PTPRE: variants seen among roughly 807,000 people sequenced by gnomAD.
PTPRE encodes protein tyrosine phosphatase receptor type E.
A neutral mutation model predicts 102.0 loss-of-function variants in PTPRE; 51 were observed. The observed-to-expected ratio is 0.50, with a 90% CI of 0.40 to 0.63. The LOEUF is 0.63. Among genes scored for constraint, PTPRE ranks in the 30% least tolerant of loss-of-function variants. PTPRE has a pLI of 0.00. For missense variants in PTPRE, 752 were observed against 915.1 expected, an observed-to-expected ratio of 0.82 and a Z score of 2.30; for synonymous variants, 345 against 348.2, an observed-to-expected ratio of 0.99 and a Z score of 0.10.
intron 2 of PTPRE, chr10:127,987,226 G>A (rs1852168618): frequency 2.5e-6 from 2 of 805,894 alleles, no homozygotes; most frequent in South Asian, 5.9e-5. Context: ...TTTCCCCTAA[G>A]AGGAAATAGG....
At chr10:128,046,004 C>T (rs921759069) in intron 3 of PTPRE, among the ~76,000 whole-genome samples, 4 of 152,300 alleles carry the variant, frequency 2.6e-5, no homozygotes, top group South Asian at 2.1e-4. Flanking sequence ...CCCTCTCTCA[C>T]GGCTGGGGCC....
chr10:128,037,664 A>G (rs7083801), intron 2 of PTPRE, among the ~76,000 whole-genome samples: 17,836 of 152,244 alleles, frequency 0.12, 1,225 homozygotes, highest in African/African-American at 0.16. Flanking sequence ...GAGGGGAGTA[A>G]ATATACAACC....
Position 127,907,287 on chromosome 10 carries a change from G to C in PTPRE, c.-53G>C. The C allele has an allele frequency of 2.0e-6, 2 of 984,744 alleles. No homozygotes were observed. Among genetic ancestry groups the C allele is most frequent in the Non-Finnish European group, 1.2e-6 (1 of 829,738 alleles). The allele number at this position is 984,744 out of a possible 1,614,324, so 61.0% of individuals were successfully genotyped here. On this transcript the variant is annotated 5_prime_UTR_variant, in exon 1 of 21. Transcript: ENST00000254667. The surrounding 1 kb of genome is among the most constrained non-coding windows in gnomAD (Gnocchi z 4.8). ...GAGCCTCCGCTGCAGCGCGATCTGC[G>C]CGACCAGACCGGCCCCCCCGAGGTG...
chr10:128,050,112 A>G (rs554991408), intron 6 of PTPRE, among the ~76,000 whole-genome samples: 15 of 142,696 alleles, frequency 1.1e-4, no homozygotes, highest in African/African-American at 3.6e-4. Context: ...CCATCTCGGC[A>G]TTAATGAAGC....
chr10:127,984,346 G>A (rs572441465), intron 2 of PTPRE, among the ~76,000 whole-genome samples: 25 of 152,164 alleles, frequency 1.6e-4, no homozygotes, highest in African/African-American at 5.3e-4. Context: ...CTCCCACAGC[G>A]CTGGGATTAC....
At chr10:128,025,151 C>T (rs1338633381) in intron 2 of PTPRE, among the ~76,000 whole-genome samples, 3 of 106,834 alleles carry the variant, frequency 2.8e-5, no homozygotes, top group African/African-American at 8.4e-5. Flanking sequence ...AGAATGAGAT[C>T]CTGTCTCAAA....
intron 6 of PTPRE, among the ~76,000 whole-genome samples, chr10:128,053,205 C>T (rs573685354): frequency 4.3e-4 from 65 of 152,236 alleles, no homozygotes; most frequent in African/African-American, 1.5e-3. Flanking sequence ...GAGTCGAGAT[C>T]GCGCCACTGC....
intron 2 of PTPRE, among the ~76,000 whole-genome samples, chr10:128,029,179 G>A (rs556750953): frequency 2.6e-5 from 4 of 152,276 alleles, no homozygotes; most frequent in African/African-American, 9.6e-5. Flanking sequence ...AAGGCTCGTG[G>A]GGGCTCAGGG....
At chr10:127,941,616 G>C (rs1196536792) in intron 1 of PTPRE, among the ~76,000 whole-genome samples, 1 of 152,238 alleles carries the variant, frequency 6.6e-6, no homozygotes, top group Non-Finnish European at 1.5e-5. Flanking sequence ...CACCAGGTAG[G>C]CTAAATAGGA....
intron 17 of PTPRE, among the ~76,000 whole-genome samples, chr10:128,075,240 T>G (rs543702072): frequency 6.6e-6 from 1 of 152,356 alleles, no homozygotes; most frequent in Admixed American, 6.5e-5. Flanking sequence ...GCACTTGAGT[T>G]GGTTTCATTT....
intron 1 of PTPRE, among the ~76,000 whole-genome samples, chr10:127,960,099 G>A (rs1214944843): frequency 2.6e-5 from 4 of 152,316 alleles, no homozygotes; most frequent in Middle Eastern, 3.4e-3. Context: ...GCAGACGCAG[G>A]TCAGAAAGGA....
chr10:127,980,253 T>C (rs999348040), intron 1 of PTPRE, among the ~76,000 whole-genome samples: 3 of 152,212 alleles, frequency 2.0e-5, no homozygotes, highest in Non-Finnish European at 4.4e-5. Flanking sequence ...CCGGTTGTTT[T>C]ATATAGCTGC....
intron 7 of PTPRE, among the ~76,000 whole-genome samples, chr10:128,060,030 A>C: frequency 6.9e-6 from 1 of 144,154 alleles, no homozygotes; most frequent in Non-Finnish European, 1.5e-5. Context: ...ACTCCACACA[A>C]ACATATCACA....
intron 1 of PTPRE, among the ~76,000 whole-genome samples, chr10:127,948,123 C>T (rs1848755481): frequency 1.3e-5 from 2 of 152,178 alleles, no homozygotes; most frequent in South Asian, 2.1e-4. Flanking sequence ...TGGGCCACTC[C>T]GTTGGCCCCC....
chr10:127,932,221 G>T (rs549260368), intron 1 of PTPRE, among the ~76,000 whole-genome samples: 4 of 152,140 alleles, frequency 2.6e-5, no homozygotes, highest in African/African-American at 7.2e-5. Context: ...CAAATTACAC[G>T]CAAAGTCTAT....
intron 1 of PTPRE, among the ~76,000 whole-genome samples, chr10:127,937,331 A>G (rs899746903): frequency 1.3e-5 from 2 of 152,190 alleles, no homozygotes; most frequent in East Asian, 1.9e-4. Context: ...TCATACTGGA[A>G]TTGTTGAAAA....
Position 128,084,013 on chromosome 10 carries a change from T to A in PTPRE, c.*1107T>A, listed in dbSNP as rs542989602. 4 of 142,292 alleles carry A rather than the reference T, an allele frequency of 2.8e-5. No homozygotes were observed. The South Asian group carries it at 7.0e-4, about 25-fold the overall frequency. 8.8% of individuals were successfully genotyped at this position (142,292 alleles called of 1,614,324 possible). ...CATTTTTTAAAGTCCCACCTTTCAA[T>A]GTTTAATAAAACAAAAAGAGAAATC... is the stretch of plus-strand genomic sequence containing the variant. On this transcript the variant is annotated 3_prime_UTR_variant, in exon 21 of 21. Coordinates refer to ENST00000254667, the MANE Select transcript of PTPRE (RefSeq NM_006504.6).
intron 1 of PTPRE, among the ~76,000 whole-genome samples, chr10:127,977,121 C>A (rs1851239992): frequency 6.6e-6 from 1 of 152,124 alleles, no homozygotes; most frequent in South Asian, 2.1e-4. Context: ...GGGTGAATGA[C>A]AGTTCTTGCT....
At chr10:128,069,557 G>A in intron 12 of PTPRE, 135 bp from the exon 13 acceptor site, 3 of 1,236,884 alleles carry the variant, frequency 2.4e-6, no homozygotes, top group Non-Finnish European at 3.4e-6. Context: ...TGGCTGCACT[G>A]TAGCTTTGCT....
Sources: allele counts gnomAD v4.1 joint callset (sites outside exome capture counted in the v4.1 genomes callset), GRCh38; gene constraint gnomAD v4.1.1; non-coding constraint Gnocchi (gnomAD v3.1); transcripts MANE v1.5; gene names NCBI Gene and HGNC (gene_info 2026-07-23, HGNC 2026-07-21).